CBL: variants seen among roughly 807,000 people sequenced by gnomAD.
The protein encoded by CBL is E3 ubiquitin-protein ligase CBL.
A neutral mutation model predicts 96.9 loss-of-function variants in CBL; 45 were observed. The observed-to-expected ratio is 0.46, with a 90% CI of 0.37 to 0.60. The LOEUF (loss-of-function observed/expected upper bound fraction) is 0.60, where lower values mean the gene tolerates loss of function less well. CBL is among the 20% of genes least tolerant of loss of function. CBL has a pLI of 0.00. For synonymous variants in CBL, 420 were observed against 426.8 expected, an observed-to-expected ratio of 0.98 and a Z score of 0.20; for missense variants, 1,024 against 1,143.5, an observed-to-expected ratio of 0.90 and a Z score of 1.51.
intron 1 of CBL, among the ~76,000 whole-genome samples, chr11:119,222,152 A>G (rs982397986): frequency 3.1e-4 from 39 of 126,644 alleles, no homozygotes; most frequent in Non-Finnish European, 1.5e-4. Context: ...TGTATCAATA[A>G]GTTGGAGTCT....
At chr11:119,225,452 G>T (rs1443356659) in intron 1 of CBL, among the ~76,000 whole-genome samples, 1 of 152,092 alleles carries the variant, frequency 6.6e-6, no homozygotes, top group Non-Finnish European at 1.5e-5. Context: ...AGGCTGGAGT[G>T]TGGTGATGCA....
Position 119,285,050 on chromosome 11 carries a change from C to T in CBL, c.1513C>T (p.Gln505Ter), listed in dbSNP as rs2135310076. ...GCCACCACGACTTGACCTTCTGCCG[C>T]AGCGAGTATGTGTTCCCTCAAGTGC... ...PVPPRLDLLP[Q>*]RVCVPSSASA... Residue 505 changes from glutamine (Q) to a stop codon, truncating the protein, a stop_gained, in exon 10 of 16, where the codon CAG becomes TAG. Coordinates refer to ENST00000264033, the MANE Select transcript of CBL (RefSeq NM_005188.4). LOFTEE classifies it high-confidence loss of function. 4 of 1,614,196 alleles carry T rather than the reference C, an allele frequency of 2.5e-6. No homozygotes were observed. Among genetic ancestry groups the T allele is most frequent in the Non-Finnish European group, 3.4e-6 (4 of 1,180,024 alleles).
rs886047781 is a variant in CBL at position 119,301,746 on chromosome 11, G to A, written c.*1965G>A. On this transcript the variant is annotated 3_prime_UTR_variant, in exon 16 of 16. Transcript: ENST00000264033. ...GCCCACCATTAGGTGAGGCGGTCCC[G>A]AGTTGAGGTAGAGTGGGGCAGAGGA... is the stretch of plus-strand genomic sequence containing the variant. 8 of 233,142 alleles carry A rather than the reference G, an allele frequency of 3.4e-5. No individual in the cohort carries two copies. The highest frequency in any genetic ancestry group is 1.8e-4 in the South Asian group (1 of 5,538). 14.4% of individuals were successfully genotyped at this position (233,142 alleles called of 1,614,324 possible). A position where few individuals can be genotyped will look rare whatever the true frequency, so the allele number is the denominator to read the frequency against.
chr11:119,251,326 C>T (rs144810578), intron 2 of CBL, among the ~76,000 whole-genome samples: 418 of 152,230 alleles, frequency 2.7e-3, no homozygotes, highest in Non-Finnish European at 4.5e-3. Context: ...GATTAACATA[C>T]GTTTACCAGC....
In CBL at chr11:119,288,325, T is replaced by C. The variant is rs116808136; in HGVS notation, c.2036+379T>C. ...GGCTGCCATGACAAAATACCACATA[T>C]TGGGTGGTTTAAATAGCAGAAATTT... On this transcript the variant is annotated intron_variant, in intron 12 of 15. Transcript: ENST00000264033. Among the ~76,000 whole-genome samples, 858 of 152,284 alleles carry C rather than the reference T, an allele frequency of 5.6e-3. 8 individuals carry two copies. Among genetic ancestry groups the C allele is most frequent in the South Asian group, 0.016 (79 of 4,822 alleles).
At chr11:119,285,149 AGT>A in intron 10 of CBL, 38 bp from the exon 11 acceptor site, 1 of 1,614,070 alleles carries the variant, frequency 6.2e-7, no homozygotes, top group Non-Finnish European at 8.5e-7. Flanking sequence ...GCTGTGTACT[AGT>A]GGGTTTTTAC....
At chr11:119,227,740 G>A (rs1949469890) in intron 1 of CBL, among the ~76,000 whole-genome samples, 1 of 152,000 alleles carries the variant, frequency 6.6e-6, no homozygotes, top group African/African-American at 2.4e-5. Context: ...ATTCCAGACA[G>A]GATTTCTCCA....
chr11:119,206,704 G>A, intron 1 of CBL, 92 bp downstream of exon 1: 1 of 1,372,698 alleles, frequency 7.3e-7, no homozygotes, highest in Non-Finnish European at 9.9e-7. Context: ...AGCGGGGGAG[G>A]GGACGGGTCT....
intron 9 of CBL, among the ~76,000 whole-genome samples, chr11:119,279,099 G>A (rs1158272256): frequency 6.6e-6 from 1 of 151,830 alleles, no homozygotes; most frequent in Non-Finnish European, 1.5e-5. Flanking sequence ...CATATCTGTT[G>A]GTGGAGAATA....
At chr11:119,264,168 T>G (rs1949776824) in intron 2 of CBL, among the ~76,000 whole-genome samples, 1 of 152,248 alleles carries the variant, frequency 6.6e-6, no homozygotes, top group Non-Finnish European at 1.5e-5. Flanking sequence ...ATCATTTGAT[T>G]TACAAATATT....
intron 1 of CBL, among the ~76,000 whole-genome samples, chr11:119,207,798 G>T (rs1355294205): frequency 2.0e-5 from 3 of 152,156 alleles, no homozygotes; most frequent in African/African-American, 7.2e-5. Context: ...TTCCTCCAGG[G>T]TAAAATTTGG....
chr11:119,232,644 G>A lies in CBL; in HGVS notation c.392G>A (p.Ser131Asn). The A allele has an allele frequency of 6.2e-7, 1 of 1,613,842 alleles. No individual in the cohort carries two copies. The change falls in exon 2 of 16, where the codon AGC becomes AAC. Residue 131 changes from serine (S) to asparagine (N), a missense_variant. Coordinates refer to ENST00000264033, the MANE Select transcript of CBL (RefSeq NM_005188.4). ...ATGAAGAAAACTAAGCAAACCATAA[G>A]CCTCTTCAAGGAGGGAAAAGAAAGA... ...NLMKKTKQTISLFKEGKERMY... is the reference protein window; with the variant it reads ...NLMKKTKQTINLFKEGKERMY...
At chr11:119,223,710 T>A (rs1949430455) in intron 1 of CBL, among the ~76,000 whole-genome samples, 1 of 152,126 alleles carries the variant, frequency 6.6e-6, no homozygotes, top group African/African-American at 2.4e-5. Flanking sequence ...CACTGCAACC[T>A]CTGCCTCCCA....
intron 2 of CBL, 42 bp downstream of exon 2, chr11:119,232,737 A>G (rs1949513722): frequency 6.3e-7 from 1 of 1,593,496 alleles, no homozygotes; most frequent in African/African-American, 1.3e-5. Context: ...CAGGTCTGTG[A>G]CTGCCTGAAT....
chr11:119,274,159 CAA>C, intron 4 of CBL, 135 bp downstream of exon 4: 1 of 703,248 alleles, frequency 1.4e-6, no homozygotes, highest in Non-Finnish European at 2.4e-6. Context: ...GGAACTATGC[CAA>C]AAAAAAGATT....
chr11:119,270,459 TTTTTTG>T (rs1304144605), intron 2 of CBL, among the ~76,000 whole-genome samples: 2 of 82,738 alleles, frequency 2.4e-5, no homozygotes, highest in African/African-American at 9.2e-5. Context: ...TTTTTTTTTT[TTTTTTG>T]AGACGGAGTC....
chr11:119,267,908 T>C (rs534538773), intron 2 of CBL, among the ~76,000 whole-genome samples: 1 of 152,288 alleles, frequency 6.6e-6, no homozygotes, highest in East Asian at 1.9e-4. Context: ...AACACTGGGA[T>C]TGTTGAGCAT....
At chr11:119,252,152 C>A (rs989980402) in intron 2 of CBL, among the ~76,000 whole-genome samples, 72 of 151,018 alleles carry the variant, frequency 4.8e-4, no homozygotes, top group Admixed American at 1.1e-3. Context: ...AAAAAAAAAA[C>A]CTTTTGTTAA....
chr11:119,206,667 C>G (rs1949271859), intron 1 of CBL, 55 bp downstream of exon 1: 5 of 1,139,172 alleles, frequency 4.4e-6, no homozygotes, highest in South Asian at 1.6e-5. Flanking sequence ...CGGAGGGCCG[C>G]GGGGAGGGGA....
Sources: allele counts gnomAD v4.1 joint callset (sites outside exome capture counted in the v4.1 genomes callset), GRCh38; gene constraint gnomAD v4.1.1; transcripts MANE v1.5; gene names NCBI Gene and HGNC (gene_info 2026-07-23, HGNC 2026-07-21).